Variants in GRID1 observed in about 807,000 individuals in gnomAD.
GRID1 encodes glutamate ionotropic receptor delta type subunit 1.
In GRID1, 28 loss-of-function variants were observed where a neutral mutation model predicts 98.0. That is an observed-to-expected ratio of 0.29 (90% CI 0.21 to 0.39). The LOEUF is 0.39. Among genes scored for constraint, GRID1 ranks in the 10% least tolerant of loss-of-function variants. The pLI is 1.00. For missense variants in GRID1, 1,111 were observed against 1,340.5 expected, an observed-to-expected ratio of 0.83 and a Z score of 2.67; for synonymous variants, 553 against 538.5, an observed-to-expected ratio of 1.03 and a Z score of -0.37.
At chr10:86,344,625 A>C (rs1382002118) in intron 2 of GRID1, among the ~76,000 whole-genome samples, 1 of 152,168 alleles carries the variant, frequency 6.6e-6, no homozygotes, top group East Asian at 1.9e-4. Context: ...GCCAAAGTAC[A>C]CTTGTAGGAT....
chr10:86,208,867 C>T (rs182808765), intron 2 of GRID1, among the ~76,000 whole-genome samples: 7 of 152,314 alleles, frequency 4.6e-5, no homozygotes, highest in Admixed American at 3.3e-4. Context: ...CTGTCCAAAC[C>T]GTAGGAACAG....
chr10:85,668,635 C>T (rs73326662), intron 12 of GRID1, among the ~76,000 whole-genome samples: 3,793 of 152,266 alleles, frequency 0.025, 147 homozygotes, highest in African/African-American at 0.085. Flanking sequence ...ACCCAGAAAG[C>T]AGTCACTTTC....
intron 4 of GRID1, among the ~76,000 whole-genome samples, chr10:85,990,384 G>C (rs61856005): frequency 2.6e-5 from 4 of 152,160 alleles, no homozygotes; most frequent in African/African-American, 7.2e-5. Flanking sequence ...GGCTCAGGGG[G>C]AATAAGTGTG....
rs1564613351 is a variant in GRID1 at position 85,865,971 on chromosome 10, A to ATATATATATACATATATATG, written c.951+3038_951+3039insCATATATATGTATATATATA. ...CATATATATGGAGAGAGAGAGAGAG[A>ATATATATATACATATATATG]GAGAGAGAGAGAGAGAGAGAGAGAG... On this transcript the variant is annotated intron_variant, in intron 6 of 15. Coordinates refer to ENST00000327946, the MANE Select transcript of GRID1 (RefSeq NM_017551.3). Among the ~76,000 whole-genome samples, 194 of 107,622 alleles carry ATATATATATACATATATATG rather than the reference A, an allele frequency of 1.8e-3. 4 individuals are homozygous for ATATATATATACATATATATG. The highest frequency in any genetic ancestry group is 3.3e-3 in the Non-Finnish European group (160 of 48,352). 70.6% of individuals were successfully genotyped at this position (107,622 alleles called of 152,430 possible).
At chr10:85,909,809 C>T (rs1220158104) in intron 5 of GRID1, among the ~76,000 whole-genome samples, 1 of 152,138 alleles carries the variant, frequency 6.6e-6, no homozygotes, top group Non-Finnish European at 1.5e-5. Context: ...TTTGGGGTGA[C>T]AGATACGTTC....
At position 86,250,576 on chromosome 10, in the gene GRID1, C is replaced by G. The variant is rs577842343; in HGVS notation, c.236-43928G>C. 4.6e-5 allele frequency among the ~76,000 whole-genome samples: 7 copies of G among 151,168 alleles called. No individual in the cohort carries two copies. In the South Asian group the frequency reaches 1.5e-3, roughly 32 times the overall value. ...TGTGTACTGGGGGGCAGCCCCCGCC[C>G]GGCCAGCTGCCCAGTCTGGGAGGTG... On this transcript the variant is annotated intron_variant, in intron 2 of 15. Transcript: ENST00000327946.
In GRID1 at chr10:86,089,798, G is replaced by A. The variant is rs185235234; in HGVS notation, c.726+49021C>T. Among the ~76,000 whole-genome samples the A allele has an allele frequency of 3.3e-5, 5 of 151,874 alleles. No homozygotes were observed. In the East Asian group the frequency reaches 9.7e-4, roughly 30 times the overall value. ...TCTCATTCTTGTCACCCAGGCTGGA[G>A]TGCAATGGCGTGATCTCGGCTCACT... On this transcript the variant is annotated intron_variant, in intron 4 of 15. Transcript: ENST00000327946.
At chr10:85,794,192 T>A (rs947814572) in intron 8 of GRID1, among the ~76,000 whole-genome samples, 2 of 152,208 alleles carry the variant, frequency 1.3e-5, no homozygotes, top group Non-Finnish European at 2.9e-5. Flanking sequence ...GCTGAGGTTA[T>A]TTGGTTAGCC....
chr10:85,724,769 G>C (rs1280773967), intron 10 of GRID1, 93 bp from the exon 11 acceptor site: 8 of 976,646 alleles, frequency 8.2e-6, no homozygotes, highest in Non-Finnish European at 1.2e-5. Context: ...CCTTTGAGTT[G>C]CTCTGTTCAG....
At chr10:85,622,690 A>G (rs1388309092) in intron 13 of GRID1, among the ~76,000 whole-genome samples, 2 of 152,224 alleles carry the variant, frequency 1.3e-5, no homozygotes, top group Admixed American at 1.3e-4. Context: ...CTTTCTCATC[A>G]TGGCATGGGC....
intron 12 of GRID1, among the ~76,000 whole-genome samples, chr10:85,651,375 A>C (rs937924250): frequency 1.3e-5 from 2 of 152,180 alleles, no homozygotes; most frequent in Admixed American, 1.3e-4. Flanking sequence ...CGCATGTCTA[A>C]GCTTCCAGGC....
At chr10:86,247,726 C>T (rs999511763) in intron 2 of GRID1, among the ~76,000 whole-genome samples, 2 of 152,102 alleles carry the variant, frequency 1.3e-5, no homozygotes, top group Admixed American at 6.5e-5. Context: ...AATGTGGGAA[C>T]AAGCACACTA....
intron 2 of GRID1, among the ~76,000 whole-genome samples, chr10:86,321,099 C>CAAAA (rs71487246): frequency 4.5e-5 from 4 of 89,736 alleles, no homozygotes; most frequent in Non-Finnish European, 9.4e-5. Context: ...GACTCCATCT[C>CAAAA]AAAAAAAAAA....
chr10:85,764,320 A>G (rs905054178), intron 8 of GRID1, among the ~76,000 whole-genome samples: 3 of 152,222 alleles, frequency 2.0e-5, no homozygotes, highest in African/African-American at 7.2e-5. Flanking sequence ...GTAGGGGCAC[A>G]TCTGGCAAAT....
At position 86,290,168 on chromosome 10, in the gene GRID1, TCTC is replaced by T. The variant is rs140323857; in HGVS notation, c.235+73770_235+73772del. Among the ~76,000 whole-genome samples the T allele has an allele frequency of 5.8e-3, 889 of 152,308 alleles. 24 individuals carry two copies. Among genetic ancestry groups the T allele is most frequent in the East Asian group, 0.013 (68 of 5,184 alleles). On this transcript the variant is annotated intron_variant, in intron 2 of 15. Transcript: ENST00000327946. ...TCAACAAACAGTCCTGATTAATACA[TCTC>T]CTCATGCCTGCAAAAATAAGTGGAC...
intron 4 of GRID1, among the ~76,000 whole-genome samples, chr10:86,059,203 G>A (rs565346135): frequency 5.3e-5 from 8 of 152,346 alleles, no homozygotes; most frequent in East Asian, 3.9e-4. Flanking sequence ...GTCCACAAGC[G>A]TTCTGAGTCT....
At chr10:85,897,958 T>C (rs11593172) in intron 5 of GRID1, among the ~76,000 whole-genome samples, 12,486 of 152,196 alleles carry the variant, frequency 0.082, 584 homozygotes, top group Middle Eastern at 0.15. Context: ...GGATTCCACA[T>C]GCAGTCACAC....
chr10:86,093,303 G>T (rs1423375072), intron 4 of GRID1, among the ~76,000 whole-genome samples: 1 of 151,042 alleles, frequency 6.6e-6, no homozygotes, highest in African/African-American at 2.4e-5. Flanking sequence ...ACAATCTAAG[G>T]TCACACCTCA....
At chr10:86,240,282 G>A (rs567629413) in intron 2 of GRID1, among the ~76,000 whole-genome samples, 10 of 152,272 alleles carry the variant, frequency 6.6e-5, no homozygotes, top group Admixed American at 1.3e-4. Flanking sequence ...CTGGTTTCAG[G>A]GCCCTGGGCC....
Sources: allele counts gnomAD v4.1 joint callset (sites outside exome capture counted in the v4.1 genomes callset), GRCh38; gene constraint gnomAD v4.1.1; transcripts MANE v1.5; gene names NCBI Gene and HGNC (gene_info 2026-07-23, HGNC 2026-07-21).